Variants in SLIT2 observed in about 807,000 individuals in gnomAD.
The protein encoded by SLIT2 is slit homolog 2 protein.
SLIT2 carries 41 observed loss-of-function variants against 185.7 expected under a neutral mutation model. That is an observed-to-expected ratio of 0.22 (90% CI 0.17 to 0.29). SLIT2 has a LOEUF of 0.29. SLIT2 is among the 10% of genes least tolerant of loss of function. The pLI is 1.00. For synonymous variants in SLIT2, 693 were observed against 680.2 expected (o/e 1.02, Z -0.29); for missense variants, 1,571 against 1,909.0 (o/e 0.82, Z 3.30).
intron 4 of SLIT2, among the ~76,000 whole-genome samples, chr4:20,281,956 G>T (rs1390408150): frequency 1.3e-5 from 2 of 152,162 alleles, no homozygotes; most frequent in East Asian, 3.8e-4. Flanking sequence ...CTTAGTTCTT[G>T]TCAATCTCCC....
chr4:20,413,959 T>C (rs1727459253), intron 4 of SLIT2, among the ~76,000 whole-genome samples: 1 of 152,138 alleles, frequency 6.6e-6, no homozygotes, highest in Non-Finnish European at 1.5e-5. Context: ...CAAATTAGGA[T>C]TTATGTCAGT....
At chr4:20,334,624 G>A (rs1720343187) in intron 4 of SLIT2, among the ~76,000 whole-genome samples, 1 of 152,066 alleles carries the variant, frequency 6.6e-6, no homozygotes, top group Non-Finnish European at 1.5e-5. Context: ...CACCTTCCTT[G>A]AATTCATTGT....
chr4:20,489,297 G>A (rs541866314), intron 8 of SLIT2, among the ~76,000 whole-genome samples: 4 of 152,064 alleles, frequency 2.6e-5, no homozygotes, highest in African/African-American at 4.8e-5. Flanking sequence ...ACAATTTATA[G>A]CTACTTTTAT....
chr4:20,313,639 C>T (rs931339336), intron 4 of SLIT2, among the ~76,000 whole-genome samples: 2 of 152,000 alleles, frequency 1.3e-5, no homozygotes, highest in African/African-American at 4.8e-5. Context: ...ACCTTTTTGG[C>T]ACCAGGGACT....
chr4:20,533,439 T>C lies in SLIT2; in HGVS notation c.1689-133T>C, dbSNP rs1162357610. ...TGATGGTGTAAGGAAGTGGAATCTT[T>C]TCAGAGCCCTGGCAGTGCTGGGCAG... On this transcript the variant is annotated intron_variant, in intron 17 of 36. Transcript: ENST00000504154. 4.6e-6 allele frequency: 3 copies of C among 649,368 alleles called. No homozygotes were observed. In the South Asian group the frequency reaches 5.9e-5, roughly 13 times the overall value. The allele number at this position is 649,368 out of a possible 1,614,324, so 40.2% of individuals were successfully genotyped here.
At position 20,271,491 on chromosome 4, in the gene SLIT2, T is replaced by TTA. The variant is rs1160770655; in HGVS notation, c.395+2625_395+2626dup. On this transcript the variant is annotated intron_variant, in intron 4 of 36. Coordinates refer to ENST00000504154, the MANE Select transcript of SLIT2 (RefSeq NM_004787.4). ...TTTATATATAATTTATATTTATATATTATATATATATATATAGCAAGCCAT... is the reference window on the plus strand; with the variant it reads ...TTTATATATAATTTATATTTATATATTATATATATATATATATAGCAAGCCAT... Among the ~76,000 whole-genome samples the TTA allele has an allele frequency of 3.2e-3, 288 of 89,800 alleles. 3 individuals are homozygous for TTA. Among genetic ancestry groups the TTA allele is most frequent in the South Asian group, 0.012 (40 of 3,262 alleles). 58.9% of individuals were successfully genotyped at this position (89,800 alleles called of 152,430 possible).
chr4:20,415,416 A>AG (rs1424110319), intron 4 of SLIT2, among the ~76,000 whole-genome samples: 2 of 151,030 alleles, frequency 1.3e-5, no homozygotes, highest in African/African-American at 4.9e-5. Flanking sequence ...GTCTCAAAAA[A>AG]AAAAAAAAAA....
chr4:20,576,315 T>G (rs929709859), intron 29 of SLIT2, among the ~76,000 whole-genome samples: 9 of 152,182 alleles, frequency 5.9e-5, no homozygotes, highest in African/African-American at 1.9e-4. Context: ...TTGTCTGTCT[T>G]TATTATTATT....
At chr4:20,340,145 A>G (rs1408885483) in intron 4 of SLIT2, among the ~76,000 whole-genome samples, 3 of 152,214 alleles carry the variant, frequency 2.0e-5, no homozygotes, top group Admixed American at 6.5e-5. Flanking sequence ...TTTATGGGGA[A>G]CATGAGATGT....
chr4:20,408,932 G>A (rs1339047115), intron 4 of SLIT2, among the ~76,000 whole-genome samples: 1 of 152,042 alleles, frequency 6.6e-6, no homozygotes, highest in African/African-American at 2.4e-5. Context: ...ACAGCTCCTG[G>A]GGCTGCTTCT....
chr4:20,454,831 G>A (rs1712886473), intron 4 of SLIT2, among the ~76,000 whole-genome samples: 1 of 151,902 alleles, frequency 6.6e-6, no homozygotes. Flanking sequence ...CATACGTCGT[G>A]GGCAATAAAA....
intron 4 of SLIT2, among the ~76,000 whole-genome samples, chr4:20,346,968 A>G (rs535096363): frequency 8.5e-5 from 13 of 152,294 alleles, no homozygotes; most frequent in Middle Eastern, 3.4e-3. Flanking sequence ...CTCCCAGTCC[A>G]CTGACTCAAA....
chr4:20,473,478 G>A (rs1715783284), intron 5 of SLIT2, among the ~76,000 whole-genome samples: 1 of 151,860 alleles, frequency 6.6e-6, no homozygotes, highest in Admixed American at 6.6e-5. Flanking sequence ...CACCCAATTT[G>A]GAATACATTA....
intron 3 of SLIT2, among the ~76,000 whole-genome samples, chr4:20,266,232 A>T (rs1713021807): frequency 6.6e-6 from 1 of 151,908 alleles, no homozygotes; most frequent in Non-Finnish European, 1.5e-5. Flanking sequence ...GCTTTCTCAC[A>T]ATATATGAAA....
intron 25 of SLIT2, among the ~76,000 whole-genome samples, chr4:20,551,717 A>G (rs914533861): frequency 2.1e-4 from 32 of 152,192 alleles, no homozygotes; most frequent in African/African-American, 7.0e-4. Context: ...CCTAGAAGAG[A>G]TTGCCTGCCA....
intron 25 of SLIT2, among the ~76,000 whole-genome samples, 164 bp downstream of exon 25, chr4:20,551,062 A>G (rs1269107055): frequency 6.6e-6 from 1 of 152,216 alleles, no homozygotes; most frequent in Non-Finnish European, 1.5e-5. Context: ...TGCCTTCTGC[A>G]AGATGGCTTT....
In SLIT2 at chr4:20,524,077, T is replaced by TACC; in HGVS notation, c.1340_1342dup (p.Thr447dup). ...TCAAGTGGCTAGCGGATTATCTCCA[T>TACC]ACCAACCCGATTGAGACCAGTGGTG... On this transcript the variant is annotated inframe_insertion, in exon 14 of 37. Transcript: ENST00000504154. The TACC allele has an allele frequency of 6.2e-7, 1 of 1,614,196 alleles. No homozygotes were observed. Among genetic ancestry groups the TACC allele is most frequent in the Non-Finnish European group, 8.5e-7 (1 of 1,180,010 alleles).
At chr4:20,299,013 A>AT (rs1414726340) in intron 4 of SLIT2, among the ~76,000 whole-genome samples, 1 of 152,164 alleles carries the variant, frequency 6.6e-6, no homozygotes, top group Non-Finnish European at 1.5e-5. Context: ...TCTGTCATTA[A>AT]TTTTTGCAAT....
intron 4 of SLIT2, among the ~76,000 whole-genome samples, chr4:20,353,291 T>A (rs1275128176): frequency 6.6e-6 from 1 of 152,188 alleles, no homozygotes; most frequent in Admixed American, 6.5e-5. Context: ...GAGCTTTACT[T>A]TAAAGCATGA....
Sources: allele counts gnomAD v4.1 joint callset (sites outside exome capture counted in the v4.1 genomes callset), GRCh38; gene constraint gnomAD v4.1.1; transcripts MANE v1.5; gene names NCBI Gene and HGNC (gene_info 2026-07-23, HGNC 2026-07-21).